The following TENM3 variants were observed in gnomAD, a reference collection of about 807,000 sequenced individuals.
TENM3 encodes teneurin-3.
TENM3 carries 63 observed loss-of-function variants against 255.1 expected under a neutral mutation model. That is an observed-to-expected ratio of 0.25 (90% CI 0.20 to 0.30). The LOEUF is 0.30. Among genes scored for constraint, TENM3 ranks in the 10% least tolerant of loss-of-function variants. The probability of loss-of-function intolerance (pLI) is 1.00; values close to 1 mark genes in which losing one functional copy is unlikely to be tolerated. For synonymous variants in TENM3, 1,306 were observed against 1,322.3 expected, an observed-to-expected ratio of 0.99 and a Z score of 0.27; for missense variants, 2,929 against 3,461.1, an observed-to-expected ratio of 0.85 and a Z score of 3.86.
intron 3 of TENM3, among the ~76,000 whole-genome samples, chr4:182,596,717 T>A (rs2152401519): frequency 6.6e-6 from 1 of 152,282 alleles, no homozygotes; most frequent in Non-Finnish European, 1.5e-5. Flanking sequence ...GGGGTATCTG[T>A]GACCAAATAT....
At chr4:181,762,339 G>A in the TENM3 span, among the ~76,000 whole-genome samples, 31,643 of 152,042 alleles carry the variant, frequency 0.21, 3,638 homozygotes, top group South Asian at 0.3. Flanking sequence ...AATCAGTGAC[G>A]AAAAACATCT....
At chr4:182,325,155 A>G (rs1763311484) in intron 2 of TENM3, among the ~76,000 whole-genome samples, 1 of 152,234 alleles carries the variant, frequency 6.6e-6, no homozygotes, top group African/African-American at 2.4e-5. Context: ...GAAATGAGAA[A>G]AAATAAATTA....
At chr4:182,589,962 A>G (rs1424322906) in intron 3 of TENM3, among the ~76,000 whole-genome samples, 1 of 152,164 alleles carries the variant, frequency 6.6e-6, no homozygotes, top group East Asian at 1.9e-4. Flanking sequence ...TGGGCAACCA[A>G]GCAAGACTCT....
the TENM3 span, among the ~76,000 whole-genome samples, chr4:182,033,831 C>T: frequency 2.6e-5 from 4 of 152,028 alleles, no homozygotes; most frequent in African/African-American, 4.8e-5. Flanking sequence ...GTTTAAAGTC[C>T]GTTTTGCCAA....
At chr4:181,967,522 G>A in the TENM3 span, among the ~76,000 whole-genome samples, 1 of 152,110 alleles carries the variant, frequency 6.6e-6, no homozygotes, top group African/African-American at 2.4e-5. Context: ...CATGAAGCAA[G>A]TGCAGTCTTT....
At chr4:182,606,523 C>CA (rs746315807) in intron 4 of TENM3, among the ~76,000 whole-genome samples, 2,498 of 50,674 alleles carry the variant, frequency 0.049, 66 homozygotes, top group South Asian at 0.078. Flanking sequence ...GACTCTGTCT[C>CA]AAAAAAAAAA....
the TENM3 span, among the ~76,000 whole-genome samples, chr4:181,578,452 TTC>T: frequency 2.0e-5 from 3 of 152,182 alleles, no homozygotes; most frequent in Non-Finnish European, 4.4e-5. Context: ...AGGGTCTGGC[TTC>T]TCTGACGTGA....
chr4:182,737,789 AAATC>A (rs1485070627), intron 17 of TENM3, among the ~76,000 whole-genome samples: 2 of 152,208 alleles, frequency 1.3e-5, no homozygotes, highest in African/African-American at 4.8e-5. Context: ...GAATTAGTTC[AAATC>A]AATCCAGTAA....
chr4:181,815,441 C>T, the TENM3 span, among the ~76,000 whole-genome samples: 6 of 120,454 alleles, frequency 5.0e-5, no homozygotes, highest in Admixed American at 1.2e-4. Context: ...CCAGCCTGGG[C>T]GACAGAGTGA....
chr4:182,608,100 A>C (rs1748607050), intron 4 of TENM3, among the ~76,000 whole-genome samples: 1 of 152,186 alleles, frequency 6.6e-6, no homozygotes, highest in Non-Finnish European at 1.5e-5. Flanking sequence ...TGTCTGTAAA[A>C]GTATGTCTCA....
chr4:182,175,841 C>A (rs1269923760), intron 1 of TENM3, among the ~76,000 whole-genome samples: 2 of 152,160 alleles, frequency 1.3e-5, no homozygotes, highest in Non-Finnish European at 2.9e-5. Context: ...TGGGTGCATG[C>A]GGAACACTGG....
At chr4:181,680,669 C>T in the TENM3 span, among the ~76,000 whole-genome samples, 1 of 151,844 alleles carries the variant, frequency 6.6e-6, no homozygotes, top group East Asian at 1.9e-4. Context: ...ATAAGTTATC[C>T]TAGGTTGGTG....
the TENM3 span, among the ~76,000 whole-genome samples, chr4:181,806,298 T>A: frequency 6.6e-6 from 1 of 152,214 alleles, no homozygotes; most frequent in African/African-American, 2.4e-5. Flanking sequence ...CCCACGCCTG[T>A]GTCTTGAGAC....
chr4:181,474,361 G>A, the TENM3 span, among the ~76,000 whole-genome samples: 147,167 of 152,230 alleles, frequency 0.97, 71,208 homozygotes, highest in Non-Finnish European at 0.99. Context: ...AAAAAATAAA[G>A]TCAACTTACA....
intron 4 of TENM3, among the ~76,000 whole-genome samples, chr4:182,602,778 C>T (rs1422924381): frequency 6.6e-6 from 1 of 152,052 alleles, no homozygotes; most frequent in East Asian, 1.9e-4. Flanking sequence ...AATTAATTAG[C>T]ACACACTGAA....
chr4:181,987,513 G>C, the TENM3 span, among the ~76,000 whole-genome samples: 3 of 152,066 alleles, frequency 2.0e-5, no homozygotes, highest in East Asian at 3.9e-4. Flanking sequence ...TTATTCACTT[G>C]ATCCATTTGG....
At chr4:182,007,899 G>A in the TENM3 span, among the ~76,000 whole-genome samples, 8 of 152,216 alleles carry the variant, frequency 5.3e-5, no homozygotes, top group Admixed American at 4.6e-4. Context: ...TCTTTCAGGA[G>A]CTCTTGCAGG....
intron 1 of TENM3, among the ~76,000 whole-genome samples, chr4:182,213,761 G>A (rs1272979227): frequency 1.3e-5 from 2 of 152,056 alleles, no homozygotes; most frequent in Non-Finnish European, 2.9e-5. Flanking sequence ...ATATATTTTC[G>A]CTATTGTCTA....
At chr4:181,741,681 C>A in the TENM3 span, among the ~76,000 whole-genome samples, 3 of 152,082 alleles carry the variant, frequency 2.0e-5, no homozygotes, top group Admixed American at 2.0e-4. Flanking sequence ...CTGACAGAGG[C>A]CATCATTCAT....
Sources: gnomAD v4.1 joint callset for allele counts (sites outside exome capture counted in the v4.1 genomes callset) on GRCh38, gnomAD v4.1.1 for gene constraint, MANE v1.5 for transcripts, NCBI Gene and HGNC (gene_info 2026-07-23, HGNC 2026-07-21) for gene names.